Variants in POP1 observed in about 807,000 individuals in gnomAD.
POP1 encodes the protein POP1 ribonuclease P/MRP subunit, also known as ribonucleases P/MRP protein subunit POP1.
A neutral mutation model predicts 102.2 loss-of-function variants in POP1; 75 were observed. The observed-to-expected ratio is 0.73, with a 90% CI of 0.61 to 0.89. The LOEUF (loss-of-function observed/expected upper bound fraction) is 0.89, where lower values mean the gene tolerates loss of function less well. POP1 is among the 40% of genes least tolerant of loss of function. The pLI is 0.00. For synonymous variants in POP1, 436 were observed against 464.1 expected, an observed-to-expected ratio of 0.94 and a Z score of 0.78; for missense variants, 1,116 against 1,267.4, an observed-to-expected ratio of 0.88 and a Z score of 1.81.
intron 9 of POP1, among the ~76,000 whole-genome samples, chr8:98,137,787 C>T (rs145506932): frequency 3.3e-4 from 51 of 152,314 alleles, no homozygotes; most frequent in Non-Finnish European, 6.5e-4. Flanking sequence ...TATACCTTTA[C>T]TTAACTTTAA....
At chr8:98,146,275 A>G (rs1816840439) in intron 11 of POP1, among the ~76,000 whole-genome samples, 1 of 152,144 alleles carries the variant, frequency 6.6e-6, no homozygotes, top group Non-Finnish European at 1.5e-5. Flanking sequence ...CTAGAATTTG[A>G]TTATCTTACA....
chr8:98,124,450 C>G (rs1322431414), intron 2 of POP1, among the ~76,000 whole-genome samples: 2 of 151,724 alleles, frequency 1.3e-5, no homozygotes, highest in Non-Finnish European at 2.9e-5. Context: ...TAGTCCCTGC[C>G]ACTTGGGAGG....
In POP1 at chr8:98,148,837, A is replaced by G. The variant is rs756662328; in HGVS notation, c.1733A>G (p.Glu578Gly). 4 of 1,613,456 alleles carry G rather than the reference A, an allele frequency of 2.5e-6. No homozygotes were observed. In the East Asian group the frequency reaches 8.9e-5, roughly 36 times the overall value. Residue 578 changes from glutamate to glycine, a missense_variant, in exon 13 of 16, where the codon GAA becomes GGA. Coordinates refer to ENST00000401707, the MANE Select transcript of POP1 (RefSeq NM_001145860.2). ...TAGGATTTAAACCGGATGAGGAGTG[A>G]ATTGCTGGTGCCTGGGTCACAGCTT... ...SDQDLNRMRS[E>G]LLVPGSQLIL... is the part of the protein sequence containing the mutation.
At chr8:98,155,137 G>A (rs774172026) in intron 14 of POP1, among the ~76,000 whole-genome samples, 8 of 152,088 alleles carry the variant, frequency 5.3e-5, no homozygotes, top group Non-Finnish European at 7.4e-5. Flanking sequence ...CAGGAAAATC[G>A]TGGCACAACT....
rs1293541601 is a variant in POP1 at position 98,127,710 on chromosome 8, A to T, written c.258A>T (p.Gly86=). ...SSKGMFRKKG[G]WKAGPEGTSQ... ...AAGGGATGTTTAGAAAAAAGGGAGG[A>T]TGGAAAGCAGGTCCCGAGGGCACGT... Residue 86 remains glycine (G), a synonymous_variant, in exon 3 of 16, where the codon GGA becomes GGT. Coordinates refer to ENST00000401707, the MANE Select transcript of POP1 (RefSeq NM_001145860.2). 6 of 1,613,940 alleles carry T rather than the reference A, an allele frequency of 3.7e-6. No individual in the cohort carries two copies. In the African/African-American group the frequency reaches 6.7e-5, roughly 18 times the overall value.
intron 3 of POP1, 70 bp from the exon 4 acceptor site, chr8:98,128,295 C>T: frequency 6.7e-7 from 1 of 1,487,138 alleles, no homozygotes; most frequent in South Asian, 1.2e-5. Context: ...TAAGTTTCCC[C>T]AGCAGCCTGT....
At chr8:98,136,143 C>T (rs112147546) in intron 7 of POP1, among the ~76,000 whole-genome samples, 11,022 of 151,562 alleles carry the variant, frequency 0.073, 618 homozygotes, top group Middle Eastern at 0.16. Flanking sequence ...TGCGATGGCA[C>T]GATCTCAGCT....
chr8:98,140,826 A>G lies in POP1; in HGVS notation c.1532A>G (p.Asp511Gly). 6.2e-7 allele frequency: 1 copy of G among 1,613,802 alleles called. No homozygotes were observed. The highest frequency in any genetic ancestry group is 8.5e-7 in the Non-Finnish European group (1 of 1,179,708). The change falls in exon 11 of 16, where the codon GAT becomes GGT. Residue 511 changes from aspartate (D) to glycine (G), a missense_variant. Transcript: ENST00000401707. ...AGTILGLTVG[D>G]PRINLPQKKS... ...ACTATTCTGGGACTGACAGTTGGGG[A>G]TCCTCGAATAAATTTGCCCCAAAAG...
intron 7 of POP1, among the ~76,000 whole-genome samples, chr8:98,135,961 TC>T (rs1816524750): frequency 6.6e-6 from 1 of 152,168 alleles, no homozygotes; most frequent in Non-Finnish European, 1.5e-5. Context: ...TGCCTCAGCT[TC>T]CCAAAGTGCT....
intron 15 of POP1, 86 bp from the exon 16 acceptor site, chr8:98,157,527 CAAAT>C: frequency 6.9e-7 from 1 of 1,441,922 alleles, no homozygotes; most frequent in African/African-American, 1.4e-5. Context: ...ATAAAAGAAT[CAAAT>C]TAATTCTAGC....
At chr8:98,126,653 A>G (rs113842188) in intron 2 of POP1, among the ~76,000 whole-genome samples, 6,716 of 152,302 alleles carry the variant, frequency 0.044, 531 homozygotes, top group African/African-American at 0.15. Context: ...AAGGATGCTG[A>G]TGCCAGCCAA....
At position 98,157,804 on chromosome 8, in the gene POP1, G is replaced by C; in HGVS notation, c.2608G>C (p.Glu870Gln). 1 of 1,614,164 alleles carries C rather than the reference G, an allele frequency of 6.2e-7. No homozygotes were observed. The highest frequency in any genetic ancestry group is 1.1e-5 in the South Asian group (1 of 91,082). Residue 870 changes from glutamate (E) to glutamine (Q), a missense_variant, in exon 16 of 16, where the codon GAG (glutamate) becomes CAG (glutamine). By Grantham distance (29) the Glu-to-Gln change is conservative. Coordinates refer to ENST00000401707, the MANE Select transcript of POP1 (RefSeq NM_001145860.2). ...GTCCCTGCTCAGCAAGGGCAGCCCCGAGCCTCACACCATGATCTGTGTCCC... is the reference window on the plus strand; with the variant it reads ...GTCCCTGCTCAGCAAGGGCAGCCCCCAGCCTCACACCATGATCTGTGTCCC... ...SLSLLSKGSP[E>Q]PHTMICVPAK...
In POP1 at chr8:98,154,565, G is replaced by GAAGT. The variant is rs1362921567; in HGVS notation, c.2058-1481_2058-1478dup. 2.0e-5 allele frequency among the ~76,000 whole-genome samples: 3 copies of GAAGT among 152,176 alleles called. No individual in the cohort carries two copies. In the East Asian group the frequency reaches 5.8e-4, roughly 29 times the overall value. Reference sequence around the variant, plus strand: ...AGGGAGTGGGTGCTTGAGGTGGGGTGAAGTAAGACATGCGAAGTGAGGGTG... The same window carrying GAAGT: ...AGGGAGTGGGTGCTTGAGGTGGGGTGAAGTAAGTAAGACATGCGAAGTGAGGGTG... On this transcript the variant is annotated intron_variant, in intron 14 of 15. Transcript: ENST00000401707.
At position 98,158,249 on chromosome 8, in the gene POP1, C is replaced by T. The variant is rs1333886191; in HGVS notation, c.3053C>T (p.Ala1018Val). 9 of 1,610,600 alleles carry T rather than the reference C, an allele frequency of 5.6e-6. No individual in the cohort carries two copies. The East Asian group carries it at 8.9e-5, about 16-fold the overall frequency. The change falls in exon 16 of 16, where the codon GCG (alanine) becomes GTG (valine). Residue 1018 changes from alanine (A) to valine (V), a missense_variant. Physicochemically the swap from Ala to Val is moderately conservative, Grantham distance 64. Coordinates refer to ENST00000401707, the MANE Select transcript of POP1 (RefSeq NM_001145860.2). ...CCCGCCTCTCTGCAGTATCGATTTG[C>T]GAGGATTGCTATTGAGGTGTGAATG... is the stretch of plus-strand genomic sequence containing the variant. Reference protein sequence around the residue: ...RPPASLQYRFARIAIEV With the variant: ...RPPASLQYRFVRIAIEV
intron 4 of POP1, among the ~76,000 whole-genome samples, chr8:98,129,086 A>C (rs1353215891): frequency 6.6e-6 from 1 of 152,070 alleles, no homozygotes; most frequent in Non-Finnish European, 1.5e-5. Flanking sequence ...CCTCTCTTGT[A>C]AGGGTGTTGA....
chr8:98,117,320 G>A lies in POP1; in HGVS notation c.-73G>A, dbSNP rs561129199. ...GCGCTCTCCAGCGCGCTCTCCAGGA[G>A]CTTTGGCTCGGTGGGTACTGTCGCG... On this transcript the variant is annotated 5_prime_UTR_variant, in exon 1 of 16. Coordinates refer to ENST00000401707, the MANE Select transcript of POP1 (RefSeq NM_001145860.2). The A allele has an allele frequency of 3.5e-6, 2 of 578,564 alleles. No individual in the cohort carries two copies. The highest frequency in any genetic ancestry group is 3.8e-5 in the African/African-American group (2 of 53,258). The allele number at this position is 578,564 out of a possible 1,614,324, so 35.8% of individuals were successfully genotyped here.
At chr8:98,145,672 G>A (rs1475220082) in intron 11 of POP1, among the ~76,000 whole-genome samples, 4 of 152,130 alleles carry the variant, frequency 2.6e-5, no homozygotes, top group Non-Finnish European at 5.9e-5. Context: ...TTGGGAGGCC[G>A]AGGCAGGTGG....
intron 2 of POP1, among the ~76,000 whole-genome samples, chr8:98,126,429 A>G (rs893777269): frequency 3.9e-5 from 6 of 152,196 alleles, no homozygotes; most frequent in African/African-American, 1.4e-4. Context: ...GAAGGCATAT[A>G]ACACACAGTT....
At chr8:98,119,737 T>C (rs1179282603) in intron 1 of POP1, among the ~76,000 whole-genome samples, 1 of 152,124 alleles carries the variant, frequency 6.6e-6, no homozygotes, top group Non-Finnish European at 1.5e-5. Flanking sequence ...TAACTATGCC[T>C]AGCTTATTTT....
Sources: gnomAD v4.1 joint callset for allele counts (sites outside exome capture counted in the v4.1 genomes callset) on GRCh38, gnomAD v4.1.1 for gene constraint, MANE v1.5 for transcripts, NCBI Gene and HGNC (gene_info 2026-07-23, HGNC 2026-07-21) for gene names.